Variants in PTPN22 observed in about 807,000 individuals in gnomAD.
The protein encoded by PTPN22 is protein tyrosine phosphatase non-receptor type 22.
A neutral mutation model predicts 103.3 loss-of-function variants in PTPN22; 85 were observed. The observed-to-expected ratio is 0.82, with a 90% CI of 0.69 to 0.99. The LOEUF is 0.99. PTPN22 is among the 50% of genes least tolerant of loss of function. PTPN22 has a pLI of 0.00. For missense variants in PTPN22, 865 were observed against 936.9 expected (o/e 0.92, Z 1.00); for synonymous variants, 323 against 310.2 (o/e 1.04, Z -0.43).
chr1:113,869,602 C>T (rs956832761), intron 1 of PTPN22, among the ~76,000 whole-genome samples: 1 of 152,018 alleles, frequency 6.6e-6, no homozygotes, highest in South Asian at 2.1e-4. Context: ...ATTATGTTGG[C>T]CAGGATGGTC....
At chr1:113,831,911 A>T (rs1164600941) in intron 16 of PTPN22, among the ~76,000 whole-genome samples, 2 of 152,202 alleles carry the variant, frequency 1.3e-5, no homozygotes, top group Admixed American at 1.3e-4. Flanking sequence ...AGGTGCACAG[A>T]AGTTGCTTAG....
intron 11 of PTPN22, 91 bp downstream of exon 11, chr1:113,848,449 A>T (rs1664282827): frequency 1.3e-6 from 2 of 1,582,640 alleles, no homozygotes; most frequent in African/African-American, 2.7e-5. Context: ...TTTAGTTGTG[A>T]CAATAGATAA....
chr1:113,853,883 T>C (rs1259929578), intron 9 of PTPN22, among the ~76,000 whole-genome samples: 1 of 123,006 alleles, frequency 8.1e-6, no homozygotes, highest in Admixed American at 8.7e-5. Context: ...TTTTTTTTTT[T>C]GAGACAGAGT....
chr1:113,843,698 C>G (rs1282104439), intron 11 of PTPN22, among the ~76,000 whole-genome samples: 1 of 152,136 alleles, frequency 6.6e-6, no homozygotes, highest in Non-Finnish European at 1.5e-5. Context: ...TATTATACCA[C>G]AATAAAAATA....
At position 113,838,527 on chromosome 1, in the gene PTPN22, T is replaced by A. The variant is rs373963495; in HGVS notation, c.992+17A>T. On this transcript the variant is annotated intron_variant, in intron 12 of 20. Coordinates refer to ENST00000359785, the Ensembl canonical transcript of PTPN22. ...GACACAATTAGTCAACATTTAGATATATAAAATTGTACTCACCTTTTTGGT... is the reference window on the plus strand; with the variant it reads ...GACACAATTAGTCAACATTTAGATAAATAAAATTGTACTCACCTTTTTGGT... 6.5e-5 allele frequency: 104 copies of A among 1,609,320 alleles called. No individual in the cohort carries two copies. The African/African-American group carries it at 1.4e-3, about 21-fold the overall frequency.
chr1:113,819,590 T>A (rs1648796388), exon 20 of PTPN22: 1 of 1,604,938 alleles, frequency 6.2e-7, no homozygotes, highest in Non-Finnish European at 8.5e-7. Context: ...AATTCAGAAA[T>A]GAGCTGGAGT....
chr1:113,840,550 T>C (rs1034729449), intron 11 of PTPN22, among the ~76,000 whole-genome samples: 3 of 152,162 alleles, frequency 2.0e-5, no homozygotes, highest in African/African-American at 7.2e-5. Flanking sequence ...TATAAATAAA[T>C]AGACATTCAA....
chr1:113,838,666 C>A, intron 11 of PTPN22, 46 bp from the exon 12 acceptor site: 1 of 1,566,384 alleles, frequency 6.4e-7, no homozygotes, highest in Non-Finnish European at 8.6e-7. Context: ...GAAGCAATGT[C>A]AATAAGATAT....
At chr1:113,862,926 A>G (rs1665744307) in intron 1 of PTPN22, among the ~76,000 whole-genome samples, 2 of 152,214 alleles carry the variant, frequency 1.3e-5, no homozygotes. Context: ...CGTGCAATGC[A>G]ATCATCTTCA....
At chr1:113,817,664 C>T (rs1661273219) in intron 20 of PTPN22, among the ~76,000 whole-genome samples, 1 of 152,076 alleles carries the variant, frequency 6.6e-6, no homozygotes, top group Admixed American at 6.6e-5. Flanking sequence ...TTAGGCTGGT[C>T]TCAAACTTCT....
chr1:113,827,279 C>T (rs1053532677), intron 18 of PTPN22, among the ~76,000 whole-genome samples: 9 of 152,048 alleles, frequency 5.9e-5, no homozygotes, highest in Non-Finnish European at 1.3e-4. Context: ...ATTTACAAGT[C>T]AGGAAATCCT....
intron 11 of PTPN22, among the ~76,000 whole-genome samples, chr1:113,839,893 A>T (rs1423010396): frequency 1.5e-5 from 2 of 134,514 alleles, no homozygotes; most frequent in Non-Finnish European, 3.1e-5. Context: ...TTTTGTTCTT[A>T]GGCAAGAAAA....
At position 113,838,544 on chromosome 1, in the gene PTPN22, CT is replaced by C; in HGVS notation, c.991del (p.Ser331ValfsTer8). The stretch of plus-strand genomic sequence containing the variant: ...TTTAGATATATAAAATTGTACTCAC[CT>C]TTTTGGTAAATTAGGAGAATAAGAG... On this transcript the variant is annotated frameshift_variant and splice_region_variant, in exon 12 of 21. Coordinates refer to ENST00000359785, the Ensembl canonical transcript of PTPN22. LOFTEE classifies it high-confidence loss of function. The C allele has an allele frequency of 6.2e-7, 1 of 1,612,524 alleles. No individual in the cohort carries two copies. The highest frequency in any genetic ancestry group is 8.5e-7 in the Non-Finnish European group (1 of 1,179,662).
chr1:113,833,360 T>C (rs1662719405), intron 15 of PTPN22, among the ~76,000 whole-genome samples: 2 of 152,206 alleles, frequency 1.3e-5, no homozygotes, highest in Admixed American at 6.5e-5. Context: ...AGTCCTAAAT[T>C]GATCCCCTTC....
At chr1:113,843,104 A>AAAAAAAAAAAAG (rs1663734918) in intron 11 of PTPN22, among the ~76,000 whole-genome samples, 1 of 146,478 alleles carries the variant, frequency 6.8e-6, no homozygotes, top group Non-Finnish European at 1.5e-5. Context: ...CGTCTCAAAA[A>AAAAAAAAAAAAG]AAAAAAAAAA....
chr1:113,825,302 G>T, intron 18 of PTPN22, 130 bp from the exon 19 acceptor site: 1 of 645,756 alleles, frequency 1.5e-6, no homozygotes, highest in Non-Finnish European at 2.6e-6. Context: ...GTACAAAGTT[G>T]TTTTTCCATC....
At chr1:113,852,036 A>T in exon 10 of PTPN22, 1 of 1,607,158 alleles carries the variant, frequency 6.2e-7, no homozygotes. Context: ...CCTGCGTTTG[A>T]ACTAATGAAG....
chr1:113,856,708 C>A (rs887168645), intron 5 of PTPN22, 89 bp from the exon 6 acceptor site: 53 of 1,575,262 alleles, frequency 3.4e-5, no homozygotes, highest in Non-Finnish European at 4.3e-5. Flanking sequence ...AGCTCTATGT[C>A]CTTCACCTTA....
chr1:113,858,563 C>A, exon 4 of PTPN22: 1 of 1,581,450 alleles, frequency 6.3e-7, no homozygotes, highest in South Asian at 1.1e-5. Flanking sequence ...AGCCTTGGGT[C>A]CATAAACTCC....
Sources: gnomAD v4.1 joint callset for allele counts (sites outside exome capture counted in the v4.1 genomes callset) on GRCh38, gnomAD v4.1.1 for gene constraint, MANE v1.5 for transcripts, NCBI Gene and HGNC (gene_info 2026-07-23, HGNC 2026-07-21) for gene names.